Variants in DGKB observed in about 807,000 individuals in gnomAD.
DGKB encodes 90 kDa diacylglycerol kinase.
Under a neutral mutation model 114.3 loss-of-function variants are expected in DGKB, and 67 were observed. The observed-to-expected ratio is 0.59, with a 90% CI of 0.48 to 0.72. The LOEUF (loss-of-function observed/expected upper bound fraction) is 0.72, where lower values mean the gene tolerates loss of function less well. Among genes scored for constraint, DGKB ranks in the 30% least tolerant of loss-of-function variants. DGKB has a pLI of 0.00. For missense variants in DGKB, 907 were observed against 975.2 expected (o/e 0.93, Z 0.93); for synonymous variants, 398 against 323.1 (o/e 1.23, Z -2.49).
intron 1 of DGKB, among the ~76,000 whole-genome samples, chr7:14,899,742 T>C (rs1782690328): frequency 6.6e-6 from 1 of 152,236 alleles, no homozygotes; most frequent in African/African-American, 2.4e-5. Context: ...GATTCCAGTT[T>C]AGGTGGATCC....
intron 20 of DGKB, among the ~76,000 whole-genome samples, chr7:14,512,191 A>G (rs999689531): frequency 6.6e-5 from 10 of 152,228 alleles, no homozygotes; most frequent in Admixed American, 6.5e-4. Context: ...AGCAGAGCAC[A>G]ATAAAATGAG....
In DGKB at chr7:14,698,048, G is replaced by T. The variant is rs570368980; in HGVS notation, c.591+47C>A. ...GAAAGAAAGAAAGAAAAGAAAGAAAGAGGCCTTCCAGAATTTAGCCAATAG... is the reference window on the plus strand; with the variant it reads ...GAAAGAAAGAAAGAAAAGAAAGAAATAGGCCTTCCAGAATTTAGCCAATAG... On this transcript the variant is annotated intron_variant, in intron 8 of 25. Coordinates refer to ENST00000402815, the MANE Select transcript of DGKB (RefSeq NM_001350709.2). The T allele has an allele frequency of 9.6e-5, 91 of 951,586 alleles. No individual in the cohort carries two copies. In the Middle Eastern group the frequency reaches 1.5e-3, roughly 15 times the overall value. The allele number at this position is 951,586 out of a possible 1,614,324, so 58.9% of individuals were successfully genotyped here.
chr7:14,768,923 T>C (rs1210357536), intron 2 of DGKB, among the ~76,000 whole-genome samples: 5 of 151,960 alleles, frequency 3.3e-5, no homozygotes, highest in African/African-American at 4.8e-5. Flanking sequence ...CATAATTTGC[T>C]ATCAAATTAA....
chr7:14,707,345 A>T (rs1186147349), intron 6 of DGKB, among the ~76,000 whole-genome samples: 3 of 150,356 alleles, frequency 2.0e-5, no homozygotes, highest in African/African-American at 4.9e-5. Context: ...AACCAAAAAG[A>T]GTCCAGGGCC....
At chr7:14,453,263 G>A (rs1419150956) in intron 21 of DGKB, among the ~76,000 whole-genome samples, 1 of 152,058 alleles carries the variant, frequency 6.6e-6, no homozygotes, top group Non-Finnish European at 1.5e-5. Flanking sequence ...GGGTTGTCAG[G>A]TTCCAGAGCC....
chr7:14,591,358 AC>A (rs1208465344), intron 17 of DGKB, among the ~76,000 whole-genome samples: 1 of 152,102 alleles, frequency 6.6e-6, no homozygotes, highest in Non-Finnish European at 1.5e-5. Context: ...ATTTATTTGC[AC>A]CATTTTATTA....
intron 23 of DGKB, among the ~76,000 whole-genome samples, chr7:14,295,288 T>C (rs557157679): frequency 3.9e-4 from 60 of 152,326 alleles, no homozygotes; most frequent in Admixed American, 8.5e-4. Flanking sequence ...CATTGTCTGA[T>C]AACCATTTTG....
At chr7:14,842,382 T>C (rs1848058907) in intron 1 of DGKB, among the ~76,000 whole-genome samples, 1 of 152,204 alleles carries the variant, frequency 6.6e-6, no homozygotes, top group Non-Finnish European at 1.5e-5. Context: ...TTAAAAACTG[T>C]TCTTTTTGGT....
At chr7:14,645,525 G>A (rs868782235) in intron 13 of DGKB, among the ~76,000 whole-genome samples, 6 of 151,880 alleles carry the variant, frequency 4.0e-5, no homozygotes, top group Middle Eastern at 6.8e-3. Context: ...CTGTGGAAGC[G>A]AAAAAGCCAC....
chr7:14,247,029 T>C (rs1794583885), intron 23 of DGKB, among the ~76,000 whole-genome samples: 2 of 151,756 alleles, frequency 1.3e-5, no homozygotes, highest in Non-Finnish European at 2.9e-5. Context: ...TATTTCCTAT[T>C]TCTAGAAGTC....
chr7:14,605,354 C>CAT (rs1002095080), intron 17 of DGKB, among the ~76,000 whole-genome samples: 90 of 136,302 alleles, frequency 6.6e-4, no homozygotes, highest in African/African-American at 2.3e-3. Flanking sequence ...ATATATATTT[C>CAT]ATATATATAT....
intron 17 of DGKB, among the ~76,000 whole-genome samples, chr7:14,600,040 T>C (rs1684103631): frequency 2.0e-5 from 3 of 152,340 alleles, no homozygotes; most frequent in African/African-American, 7.2e-5. Context: ...CAGGTATTTA[T>C]TTCTCACATT....
intron 2 of DGKB, among the ~76,000 whole-genome samples, chr7:14,790,282 G>A (rs979817319): frequency 3.3e-5 from 5 of 152,094 alleles, no homozygotes; most frequent in South Asian, 2.1e-4. Flanking sequence ...AGAAGACCAC[G>A]AGTTTTTTAT....
chr7:14,567,528 AATT>A (rs1464176223), intron 20 of DGKB, among the ~76,000 whole-genome samples: 1 of 95,952 alleles, frequency 1.0e-5, no homozygotes, highest in East Asian at 2.6e-4. Flanking sequence ...TATATATTAT[AATT>A]ATATATAATT....
intron 20 of DGKB, among the ~76,000 whole-genome samples, chr7:14,504,830 A>T (rs1247223129): frequency 2.0e-5 from 3 of 152,204 alleles, no homozygotes; most frequent in African/African-American, 7.2e-5. Context: ...CTGCATCTAC[A>T]CTAGTCAACA....
intron 23 of DGKB, among the ~76,000 whole-genome samples, chr7:14,273,389 G>C (rs1798542140): frequency 6.6e-6 from 1 of 151,802 alleles, no homozygotes. Flanking sequence ...GAAAAGAAAG[G>C]TCTGAAACAG....
chr7:14,728,314 G>T (rs577714163), intron 5 of DGKB, among the ~76,000 whole-genome samples: 1 of 152,022 alleles, frequency 6.6e-6, no homozygotes, highest in Admixed American at 6.6e-5. Flanking sequence ...TTATTTTCTG[G>T]CTTAAAATCT....
In DGKB at chr7:14,350,119, G is replaced by A. The variant is rs962678267; in HGVS notation, c.1836-4728C>T. Among the ~76,000 whole-genome samples, 4 of 152,070 alleles carry A rather than the reference G, an allele frequency of 2.6e-5. No individual in the cohort carries two copies. The East Asian group carries it at 5.8e-4, about 22-fold the overall frequency. On this transcript the variant is annotated intron_variant, in intron 21 of 25. Transcript: ENST00000402815. Reference sequence around the variant, plus strand: ...GGCTACCAGATAGCCAGGTAAAGACGAAGAAATTGGCTCCCATTTACCTGG... The same window carrying A: ...GGCTACCAGATAGCCAGGTAAAGACAAAGAAATTGGCTCCCATTTACCTGG...
At chr7:14,242,858 T>C (rs1279184803) in intron 23 of DGKB, among the ~76,000 whole-genome samples, 5 of 116,020 alleles carry the variant, frequency 4.3e-5, no homozygotes, top group Non-Finnish European at 6.8e-5. Context: ...TCCAAATATA[T>C]GAAGGCTGTT....
Sources: allele counts gnomAD v4.1 joint callset (sites outside exome capture counted in the v4.1 genomes callset), GRCh38; gene constraint gnomAD v4.1.1; transcripts MANE v1.5; gene names NCBI Gene and HGNC (gene_info 2026-07-23, HGNC 2026-07-21).